TMEM65: variants seen among roughly 807,000 people sequenced by gnomAD.
TMEM65 encodes the protein transmembrane protein 65.
TMEM65 carries 22 observed loss-of-function variants against 25.4 expected under a neutral mutation model. The observed-to-expected ratio is 0.86, with a 90% confidence interval of 0.62 to 1.23. TMEM65 has a LOEUF of 1.23. TMEM65 is among the 50% of genes most tolerant of loss of function. The probability of loss-of-function intolerance (pLI) is 0.00; values close to 1 mark genes in which losing one functional copy is unlikely to be tolerated. For synonymous variants in TMEM65, 132 were observed against 126.2 expected, an observed-to-expected ratio of 1.05 and a Z score of -0.31; for missense variants, 262 against 308.2, an observed-to-expected ratio of 0.85 and a Z score of 1.12.
intron 1 of TMEM65, among the ~76,000 whole-genome samples, chr8:124,347,385 A>C (rs1340383814): frequency 6.6e-6 from 1 of 152,210 alleles, no homozygotes; most frequent in Non-Finnish European, 1.5e-5. Flanking sequence ...AGAAATTTCT[A>C]CTTATATCTT....
At chr8:124,358,957 T>C (rs1489215154) in intron 1 of TMEM65, among the ~76,000 whole-genome samples, 2 of 152,192 alleles carry the variant, frequency 1.3e-5, no homozygotes, top group African/African-American at 4.8e-5. Flanking sequence ...GAACTGAATT[T>C]GGAAGTTGTG....
In TMEM65 at chr8:124,308,584, T is replaced by A. The variant is rs532265862; in HGVS notation, c.*5376A>T. On this transcript the variant is annotated 3_prime_UTR_variant, in exon 7 of 7. Coordinates refer to ENST00000297632, the MANE Select transcript of TMEM65 (RefSeq NM_194291.3). Reference sequence around the variant, plus strand: ...GAAAGAGGTTGTAGATATGTCAAATTAAATAAATAAATAAATGGTGGAGGG... The same window carrying A: ...GAAAGAGGTTGTAGATATGTCAAATAAAATAAATAAATAAATGGTGGAGGG... 4 of 123,702 alleles carry A rather than the reference T, an allele frequency of 3.2e-5. No individual in the cohort carries two copies. The highest frequency in any genetic ancestry group is 9.3e-5 in the African/African-American group (3 of 32,180). 7.7% of individuals were successfully genotyped at this position (123,702 alleles called of 1,614,324 possible).
rs370080042 is a variant in TMEM65, at chr8:124,341,770, A to G, written c.305-10978T>C. Reference sequence around the variant, plus strand: ...ACCTGTAACCCTATTTTAATCACGGATTTTAAACATTTGATATTTTTAACA... The same window carrying G: ...ACCTGTAACCCTATTTTAATCACGGGTTTTAAACATTTGATATTTTTAACA... On this transcript the variant is annotated intron_variant, in intron 1 of 6. Transcript: ENST00000297632. Among the ~76,000 whole-genome samples, 4 of 151,830 alleles carry G rather than the reference A, an allele frequency of 2.6e-5. No individual in the cohort carries two copies. The East Asian group carries it at 7.7e-4, about 29-fold the overall frequency.
At chr8:124,362,662 C>CAAAAAAA (rs59243626) in intron 1 of TMEM65, among the ~76,000 whole-genome samples, 4 of 98,206 alleles carry the variant, frequency 4.1e-5, no homozygotes, top group South Asian at 7.7e-4. Context: ...ACTCTTGTCT[C>CAAAAAAA]AAAAAAAAAA....
chr8:124,371,883 T>C lies in TMEM65; in HGVS notation c.275A>G (p.His92Arg), dbSNP rs1206619197. 1.3e-6 allele frequency: 2 copies of C among 1,547,224 alleles called. No individual in the cohort carries two copies. Among genetic ancestry groups the C allele is most frequent in the South Asian group, 2.4e-5 (2 of 84,678 alleles). ...GGCAATGGCAATAGACTCGAAGCGG[T>C]GCAGCTCTTTGAGCAGGCAGCTCCT... is the stretch of plus-strand genomic sequence containing the variant. ...TERSCLLKEL[H>R]RFESIAIAQE... Residue 92 changes from histidine to arginine, a missense_variant, in exon 1 of 7, where the codon CAC becomes CGC. His to Arg is a conservative substitution (Grantham distance 29). Coordinates refer to ENST00000297632, the MANE Select transcript of TMEM65 (RefSeq NM_194291.3).
chr8:124,345,465 A>AT (rs778601326), intron 1 of TMEM65, among the ~76,000 whole-genome samples: 2 of 152,222 alleles, frequency 1.3e-5, no homozygotes, highest in African/African-American at 2.4e-5. Context: ...AAAGCAATAG[A>AT]TTTTAGTAAA....
Position 124,310,928 on chromosome 8 carries a change from A to C in TMEM65, c.*3032T>G, listed in dbSNP as rs1165022174. Reference sequence around the variant, plus strand: ...ACATAAAGATAATGCTTAGCCACTAAGAAAAAGGTTATATTATATTTAATA... The same window carrying C: ...ACATAAAGATAATGCTTAGCCACTACGAAAAAGGTTATATTATATTTAATA... On this transcript the variant is annotated 3_prime_UTR_variant, in exon 7 of 7. Transcript: ENST00000297632. 6.6e-6 allele frequency: 1 copy of C among 152,130 alleles called. No homozygotes were observed. Among genetic ancestry groups the C allele is most frequent in the East Asian group, 1.9e-4 (1 of 5,194 alleles). The allele number at this position is 152,130 out of a possible 1,614,324, so 9.4% of individuals were successfully genotyped here.
chr8:124,315,252 T>C (rs1276627054), intron 6 of TMEM65, among the ~76,000 whole-genome samples: 1 of 152,138 alleles, frequency 6.6e-6, no homozygotes, highest in Non-Finnish European at 1.5e-5. Flanking sequence ...AGCTACATAA[T>C]CTTTAGTCTT....
intron 1 of TMEM65, 27 bp from the exon 2 acceptor site, chr8:124,330,819 C>A: frequency 1.3e-6 from 2 of 1,569,462 alleles, no homozygotes; most frequent in Non-Finnish European, 1.7e-6. Flanking sequence ...GGATGTGGGG[C>A]AAGAATTAGT....
chr8:124,339,136 G>T (rs1265290266), intron 1 of TMEM65, among the ~76,000 whole-genome samples: 1 of 137,560 alleles, frequency 7.3e-6, no homozygotes, highest in Non-Finnish European at 1.5e-5. Context: ...TTGCGGCAGT[G>T]AGCCCAGATC....
intron 1 of TMEM65, among the ~76,000 whole-genome samples, chr8:124,342,936 GC>G (rs2131214078): frequency 6.6e-6 from 1 of 152,214 alleles, no homozygotes; most frequent in South Asian, 2.1e-4. Context: ...TTATATAGAA[GC>G]TTTCTGATTG....
rs1053905040 is a variant in TMEM65 at position 124,320,195 on chromosome 8, T to C, written c.516-4A>G. On this transcript the variant is annotated splice_polypyrimidine_tract_variant and splice_region_variant and intron_variant, in intron 5 of 6. Coordinates refer to ENST00000297632, the MANE Select transcript of TMEM65 (RefSeq NM_194291.3). ...TGCTTCAACGTAGCCTGCAAGTCTT[T>C]GAAGAAACAAGACAATATGATATAT... 6.8e-6 allele frequency: 11 copies of C among 1,608,878 alleles called. No homozygotes were observed. The highest frequency in any genetic ancestry group is 9.4e-6 in the Non-Finnish European group (11 of 1,176,412).
chr8:124,345,272 A>G (rs1470949473), intron 1 of TMEM65, among the ~76,000 whole-genome samples: 1 of 152,214 alleles, frequency 6.6e-6, no homozygotes, highest in Non-Finnish European at 1.5e-5. Context: ...CTATCTGTCT[A>G]TAAATACTGC....
chr8:124,359,270 C>T (rs112846566), intron 1 of TMEM65, among the ~76,000 whole-genome samples: 1,772 of 152,292 alleles, frequency 0.012, 15 homozygotes, highest in Non-Finnish European at 0.018. Context: ...CTCCACCTTC[C>T]GGCTATGCCT....
intron 1 of TMEM65, among the ~76,000 whole-genome samples, chr8:124,357,469 A>G (rs1001029536): frequency 1.3e-5 from 2 of 152,234 alleles, no homozygotes; most frequent in African/African-American, 2.4e-5. Context: ...ACTAAAGGTT[A>G]GAGATTTATG....
chr8:124,316,770 A>G (rs973260113), intron 6 of TMEM65, among the ~76,000 whole-genome samples: 2 of 152,230 alleles, frequency 1.3e-5, no homozygotes, highest in Non-Finnish European at 2.9e-5. Flanking sequence ...ACAAATTGCT[A>G]GAATGTTAGA....
chr8:124,339,248 T>TATATATATATATATATATAA (rs1489856057), intron 1 of TMEM65, among the ~76,000 whole-genome samples: 6 of 104,654 alleles, frequency 5.7e-5, no homozygotes, highest in African/African-American at 2.1e-4. Flanking sequence ...TATATATATA[T>TATATATATATATATATATAA]AAAATATTCT....
At chr8:124,364,952 C>A (rs1026863574) in intron 1 of TMEM65, among the ~76,000 whole-genome samples, 12 of 152,152 alleles carry the variant, frequency 7.9e-5, no homozygotes, top group Non-Finnish European at 1.6e-4. Flanking sequence ...GGAAACCAGA[C>A]AAGAGTGTGG....
Position 124,313,045 on chromosome 8 carries a change from A to T in TMEM65, c.*915T>A, listed in dbSNP as rs891281191. 2 of 151,368 alleles carry T rather than the reference A, an allele frequency of 1.3e-5. No homozygotes were observed. Among genetic ancestry groups the T allele is most frequent in the African/African-American group, 4.8e-5 (2 of 41,490 alleles). 9.4% of individuals were successfully genotyped at this position (151,368 alleles called of 1,614,324 possible). A position where few individuals can be genotyped will look rare whatever the true frequency, so the allele number is the denominator to read the frequency against. On this transcript the variant is annotated 3_prime_UTR_variant, in exon 7 of 7. Transcript: ENST00000297632. ...ATCTTTCAAACATCACTTCAACTTCATCATTTATACCATAAACCTTCTTGA... is the reference window on the plus strand; with the variant it reads ...ATCTTTCAAACATCACTTCAACTTCTTCATTTATACCATAAACCTTCTTGA...
Sources: allele counts gnomAD v4.1 joint callset (sites outside exome capture counted in the v4.1 genomes callset), GRCh38; gene constraint gnomAD v4.1.1; transcripts MANE v1.5; gene names NCBI Gene and HGNC (gene_info 2026-07-23, HGNC 2026-07-21).